Variants in ADCY2 observed in about 807,000 individuals in gnomAD.
ADCY2 encodes adenylate cyclase type 2.
ADCY2 carries 31 observed loss-of-function variants against 125.2 expected under a neutral mutation model. The ratio of observed to expected loss-of-function variants is 0.25; its 90% CI spans 0.19 to 0.33. The LOEUF is 0.33. Ranked by LOEUF, ADCY2 falls within the 10% of genes least tolerant of loss-of-function variation. The pLI, the probability that ADCY2 is intolerant of heterozygous loss-of-function variation, is 1.00. For synonymous variants in ADCY2, 512 were observed against 548.4 expected, an observed-to-expected ratio of 0.93 and a Z score of 0.93; for missense variants, 904 against 1,418.2, an observed-to-expected ratio of 0.64 and a Z score of 5.82.
chr5:7,778,543 T>C (rs545125444), intron 18 of ADCY2, among the ~76,000 whole-genome samples: 208 of 152,324 alleles, frequency 1.4e-3, no homozygotes, highest in African/African-American at 4.7e-3. Context: ...AAGCTCTAGA[T>C]TGCAACTGGC....
chr5:7,555,478 C>T (rs965236315), intron 3 of ADCY2, among the ~76,000 whole-genome samples: 5 of 151,992 alleles, frequency 3.3e-5, no homozygotes, highest in Non-Finnish European at 5.9e-5. Flanking sequence ...GTATAATTTC[C>T]GTTGCTTCAC....
intron 7 of ADCY2, among the ~76,000 whole-genome samples, chr5:7,701,825 C>T (rs1741087041): frequency 6.6e-6 from 1 of 152,156 alleles, no homozygotes; most frequent in Admixed American, 6.5e-5. Context: ...TGTGTTAGCA[C>T]CTTTTGATGC....
intron 2 of ADCY2, among the ~76,000 whole-genome samples, chr5:7,428,985 G>C (rs1009270368): frequency 6.7e-6 from 1 of 148,802 alleles, no homozygotes; most frequent in African/African-American, 2.5e-5. Flanking sequence ...TCTCAGGATG[G>C]AATACCAAGA....
Position 7,772,950 on chromosome 5 carries a change from A to C in ADCY2, c.2233A>C (p.Ile745Leu), listed in dbSNP as rs1314374952. ...GTTTCAGTACTTTATCTACAGCTGC[A>C]TTCTGGGACTGATATCCTGTTCCGT... Reference protein sequence around the residue: ...FFLPYFIYSCILGLISCSVFL... With the variant: ...FFLPYFIYSCLLGLISCSVFL... The change falls in exon 18 of 25, where the codon ATT (isoleucine) becomes CTT (leucine). Residue 745 changes from isoleucine to leucine, a missense_variant. By Grantham distance (5) the Ile-to-Leu change is conservative (BLOSUM62 2). Transcript: ENST00000338316. 5.0e-6 allele frequency: 8 copies of C among 1,613,994 alleles called. No homozygotes were observed. Among genetic ancestry groups the C allele is most frequent in the Non-Finnish European group, 4.2e-6 (5 of 1,180,026 alleles).
chr5:7,536,678 C>T (rs1467373459), intron 3 of ADCY2, among the ~76,000 whole-genome samples: 1 of 152,080 alleles, frequency 6.6e-6, no homozygotes, highest in African/African-American at 2.4e-5. Context: ...TGGAGTTTAC[C>T]TTTACCTACT....
intron 3 of ADCY2, among the ~76,000 whole-genome samples, chr5:7,587,029 A>T (rs1157706690): frequency 6.6e-6 from 1 of 152,188 alleles, no homozygotes; most frequent in Non-Finnish European, 1.5e-5. Flanking sequence ...AGATCGTTTA[A>T]TCCCCTAGTT....
chr5:7,808,239 G>C (rs1470946778), intron 22 of ADCY2, among the ~76,000 whole-genome samples: 1 of 152,180 alleles, frequency 6.6e-6, no homozygotes, highest in Admixed American at 6.5e-5. Flanking sequence ...TCCTGGAAGT[G>C]TGTGTATGTT....
intron 2 of ADCY2, among the ~76,000 whole-genome samples, chr5:7,447,676 G>C (rs1348469059): frequency 6.6e-6 from 1 of 152,224 alleles, no homozygotes; most frequent in Non-Finnish European, 1.5e-5. Context: ...GAGGCAGGAG[G>C]AGGCTATTCT....
intron 7 of ADCY2, among the ~76,000 whole-genome samples, chr5:7,702,152 G>A (rs1266153328): frequency 6.6e-6 from 1 of 151,972 alleles, no homozygotes; most frequent in Non-Finnish European, 1.5e-5. Flanking sequence ...AGAGCTTTGG[G>A]AGGCCGAGGT....
Position 7,698,119 on chromosome 5 carries a change from G to A in ADCY2, c.982-128G>A, listed in dbSNP as rs554867288. 7.1e-6 allele frequency: 8 copies of A among 1,125,292 alleles called. No individual in the cohort carries two copies. In the African/African-American group the frequency reaches 1.2e-4, roughly 17 times the overall value. The allele number at this position is 1,125,292 out of a possible 1,614,324, so 69.7% of individuals were successfully genotyped here. A position where few individuals can be genotyped will look rare whatever the true frequency, so the allele number is the denominator to read the frequency against. On this transcript the variant is annotated intron_variant, in intron 6 of 24. Transcript: ENST00000338316. ...TGAGTAATGAAGGGAAGCCCAACTG[G>A]TTCTCATTGCTCTCTCCAGATGCCC...
chr5:7,822,653 A>C (rs1745337852), intron 24 of ADCY2, among the ~76,000 whole-genome samples: 1 of 152,170 alleles, frequency 6.6e-6, no homozygotes, highest in African/African-American at 2.4e-5. Context: ...CTGATTGTAC[A>C]CAGTTCCAGA....
intron 3 of ADCY2, among the ~76,000 whole-genome samples, chr5:7,549,461 C>A (rs986429776): frequency 6.6e-6 from 1 of 152,128 alleles, no homozygotes; most frequent in African/African-American, 2.4e-5. Flanking sequence ...AATGTAATTC[C>A]CCGAATAGGA....
chr5:7,549,682 C>T (rs756102535), intron 3 of ADCY2, among the ~76,000 whole-genome samples: 4 of 152,206 alleles, frequency 2.6e-5, no homozygotes, highest in Non-Finnish European at 5.9e-5. Context: ...TAAGTGCCAA[C>T]ATTCGTTTCT....
chr5:7,400,943 G>A (rs1367960851), intron 1 of ADCY2, among the ~76,000 whole-genome samples: 1 of 152,194 alleles, frequency 6.6e-6, no homozygotes, highest in Non-Finnish European at 1.5e-5. Context: ...ATATTGAAAT[G>A]TATGATTAAA....
chr5:7,583,152 T>A (rs994137091), intron 3 of ADCY2, among the ~76,000 whole-genome samples: 1 of 151,946 alleles, frequency 6.6e-6, no homozygotes, highest in Non-Finnish European at 1.5e-5. Flanking sequence ...ACAAATTAGA[T>A]CTCTACATTT....
intron 1 of ADCY2, among the ~76,000 whole-genome samples, chr5:7,403,296 A>G (rs962794475): frequency 2.0e-5 from 3 of 152,240 alleles, no homozygotes; most frequent in Non-Finnish European, 2.9e-5. Context: ...AATGTTAAAA[A>G]TTAAATACGG....
chr5:7,784,178 G>A (rs979057979), intron 18 of ADCY2, among the ~76,000 whole-genome samples, 187 bp from the exon 19 acceptor site: 1 of 152,186 alleles, frequency 6.6e-6, no homozygotes, highest in Non-Finnish European at 1.5e-5. Flanking sequence ...TGTGCTCTCA[G>A]AATAGGGATT....
Position 7,727,412 on chromosome 5 carries a change from G to A in ADCY2, c.1871+151G>A, listed in dbSNP as rs535409751. On this transcript the variant is annotated intron_variant, in intron 14 of 24. Transcript: ENST00000338316. Reference sequence around the variant, plus strand: ...GGGAGAGTAACCCAGGACCTCGGAGGTTAAGTGGCCCCCATGTGTCTTCCT... The same window carrying A: ...GGGAGAGTAACCCAGGACCTCGGAGATTAAGTGGCCCCCATGTGTCTTCCT... The A allele has an allele frequency of 2.4e-3, 1,500 of 626,274 alleles. 45 individuals are homozygous for A. In the South Asian group the frequency reaches 0.03, roughly 13 times the overall value. The allele number at this position is 626,274 out of a possible 1,614,324, so 38.8% of individuals were successfully genotyped here. A position where few individuals can be genotyped will look rare whatever the true frequency, so the allele number is the denominator to read the frequency against.
At chr5:7,424,119 G>T (rs1367524148) in intron 2 of ADCY2, among the ~76,000 whole-genome samples, 1 of 152,210 alleles carries the variant, frequency 6.6e-6, no homozygotes, top group Admixed American at 6.5e-5. Flanking sequence ...TTGCTGCTCT[G>T]TTCCCAGTGC....
Sources: allele counts gnomAD v4.1 joint callset (sites outside exome capture counted in the v4.1 genomes callset), GRCh38; gene constraint gnomAD v4.1.1; transcripts MANE v1.5; gene names NCBI Gene and HGNC (gene_info 2026-07-23, HGNC 2026-07-21).